MYO3B: variants seen among roughly 807,000 people sequenced by gnomAD.
MYO3B encodes myosin IIIB.
Under a neutral mutation model 174.6 loss-of-function variants are expected in MYO3B, and 156 were observed. The observed-to-expected ratio is 0.89, with a 90% CI of 0.78 to 1.02. The LOEUF (loss-of-function observed/expected upper bound fraction) is 1.02, where lower values mean the gene tolerates loss of function less well. MYO3B is among the 50% of genes least tolerant of loss of function. The pLI, the probability that MYO3B is intolerant of heterozygous loss-of-function variation, is 0.00. For missense variants in MYO3B, 1,632 were observed against 1,639.4 expected, an observed-to-expected ratio of 1.00 and a Z score of 0.08; for synonymous variants, 563 against 569.1, an observed-to-expected ratio of 0.99 and a Z score of 0.15.
At chr2:170,382,589 GTC>G (rs1412500084) in intron 10 of MYO3B, 1 of 169,530 alleles carries the variant, frequency 5.9e-6, no homozygotes, top group Non-Finnish European at 1.3e-5. Context: ...TTTATGCTGA[GTC>G]TAACTCTGGG....
chr2:170,532,062 A>C (rs1317194316), intron 30 of MYO3B, among the ~76,000 whole-genome samples: 1 of 152,226 alleles, frequency 6.6e-6, no homozygotes, highest in Non-Finnish European at 1.5e-5. Context: ...CCTTAACCCA[A>C]GTGATGAAAG....
At chr2:170,335,045 G>A (rs1442024458) in intron 7 of MYO3B, among the ~76,000 whole-genome samples, 1 of 152,154 alleles carries the variant, frequency 6.6e-6, no homozygotes, top group Admixed American at 6.5e-5. Flanking sequence ...TATGTTTAGA[G>A]CTTTCTTATA....
chr2:170,221,510 A>G (rs913434186), intron 6 of MYO3B, among the ~76,000 whole-genome samples: 2 of 152,200 alleles, frequency 1.3e-5, no homozygotes, highest in Non-Finnish European at 2.9e-5. Context: ...TCAAAGCTGC[A>G]GCATGAAATG....
At chr2:170,586,816 T>G (rs1034859668) in intron 32 of MYO3B, among the ~76,000 whole-genome samples, 1 of 152,250 alleles carries the variant, frequency 6.6e-6, no homozygotes, top group Non-Finnish European at 1.5e-5. Context: ...TTGAACTAAT[T>G]CTAAAATTTT....
At position 170,487,726 on chromosome 2, in the gene MYO3B, G is replaced by A. The variant is rs561975597; in HGVS notation, c.3015-10866G>A. On this transcript the variant is annotated intron_variant, in intron 25 of 34. Transcript: ENST00000408978. The stretch of plus-strand genomic sequence containing the variant: ...CCTTTGAGTGCAAAACTCAATTGGA[G>A]GGATGAATCAAAGCAGAGCTCATTC... 2.0e-5 allele frequency among the ~76,000 whole-genome samples: 3 copies of A among 152,308 alleles called. No individual in the cohort carries two copies. The East Asian group carries it at 5.8e-4, about 29-fold the overall frequency.
chr2:170,267,998 A>G lies in MYO3B; in HGVS notation c.749+31862A>G, dbSNP rs187423314. Among the ~76,000 whole-genome samples, 432 of 152,268 alleles carry G rather than the reference A, an allele frequency of 2.8e-3. 1 individual carries two copies. The highest frequency in any genetic ancestry group is 5.0e-3 in the Non-Finnish European group (342 of 68,012). ...CGAGGCGGGTGGATTACCTGAGGTC[A>G]GGAGTTCGAGACCAGCCTGGCGAAC... On this transcript the variant is annotated intron_variant, in intron 7 of 34. Coordinates refer to ENST00000408978, the MANE Select transcript of MYO3B (RefSeq NM_138995.5).
rs1401250451 is a variant in MYO3B, at chr2:170,387,136, C to G, written c.1405C>G (p.Leu469Val). 6.2e-7 allele frequency: 1 copy of G among 1,614,032 alleles called. No individual in the cohort carries two copies. The highest frequency in any genetic ancestry group is 8.5e-7 in the Non-Finnish European group (1 of 1,179,914). The change falls in exon 14 of 35, where the codon CTA becomes GTA. Residue 469 changes from leucine (L) to valine (V), a missense_variant. Leu to Val is a conservative substitution (Grantham distance 32). Coordinates refer to ENST00000408978, the MANE Select transcript of MYO3B (RefSeq NM_138995.5). ...ANNQTLREKILQVNSLVEAFG... is the reference protein window; with the variant it reads ...ANNQTLREKIVQVNSLVEAFG... ...TAATCAGACCTTGAGAGAGAAAATT[C>G]TACAAGTCAACTCCCTGGTGGAAGC... is the stretch of plus-strand genomic sequence containing the variant.
At chr2:170,308,308 C>A (rs1357213689) in intron 7 of MYO3B, among the ~76,000 whole-genome samples, 1 of 152,158 alleles carries the variant, frequency 6.6e-6, no homozygotes, top group Non-Finnish European at 1.5e-5. Context: ...CATACAGAAG[C>A]CCGAAAGCAA....
chr2:170,198,435 T>C (rs1574562968), intron 1 of MYO3B, among the ~76,000 whole-genome samples: 1 of 152,210 alleles, frequency 6.6e-6, no homozygotes, highest in East Asian at 1.9e-4. Context: ...AGTTTCTGCA[T>C]GTTGATATTC....
At chr2:170,648,150 A>G (rs1258825918) in intron 32 of MYO3B, 2 of 152,238 alleles carry the variant, frequency 1.3e-5, no homozygotes, top group Non-Finnish European at 2.9e-5. Context: ...TCACAAAGCA[A>G]ACAAGGAGGA....
intron 32 of MYO3B, among the ~76,000 whole-genome samples, chr2:170,571,863 T>C (rs1692458312): frequency 6.6e-6 from 1 of 152,182 alleles, no homozygotes; most frequent in Non-Finnish European, 1.5e-5. Flanking sequence ...TGATGCCTTT[T>C]CAACAACTTT....
intron 32 of MYO3B, among the ~76,000 whole-genome samples, chr2:170,551,818 G>A (rs1306578720): frequency 6.6e-6 from 1 of 152,120 alleles, no homozygotes; most frequent in African/African-American, 2.4e-5. Context: ...CCTGGTGGGA[G>A]GTGATTGGAT....
At chr2:170,472,525 A>ATACCCTCC (rs1685033576) in intron 25 of MYO3B, among the ~76,000 whole-genome samples, 2 of 152,196 alleles carry the variant, frequency 1.3e-5, no homozygotes, top group East Asian at 3.9e-4. Flanking sequence ...CTTTTCTGTG[A>ATACCCTCC]TACCCTCCTT....
chr2:170,340,280 G>A (rs988451747), intron 8 of MYO3B: 5 of 152,056 alleles, frequency 3.3e-5, no homozygotes, highest in Non-Finnish European at 7.4e-5. Context: ...TCCTTGAGCC[G>A]ATTATTGAGA....
chr2:170,253,533 C>A (rs1389599479), intron 7 of MYO3B, among the ~76,000 whole-genome samples: 1 of 152,034 alleles, frequency 6.6e-6, no homozygotes, highest in Non-Finnish European at 1.5e-5. Flanking sequence ...GACACCTAGA[C>A]TGGAGACATA....
intron 22 of MYO3B, among the ~76,000 whole-genome samples, chr2:170,426,244 C>T (rs985468446): frequency 2.0e-5 from 3 of 151,354 alleles, no homozygotes; most frequent in Non-Finnish European, 4.4e-5. Flanking sequence ...GAGGCTGAGG[C>T]GAGAGGATTG....
At position 170,472,862 on chromosome 2, in the gene MYO3B, G is replaced by A. The variant is rs183656911; in HGVS notation, c.3014+6151G>A. On this transcript the variant is annotated intron_variant, in intron 25 of 34. Transcript: ENST00000408978. ...GCCACAGGCGTGCACCACCATGCCT[G>A]GCTTATTTTTGTATTTTTAGTAGCG... Among the ~76,000 whole-genome samples the A allele has an allele frequency of 1.2e-3, 182 of 151,420 alleles. 1 individual carries two copies. Among genetic ancestry groups the A allele is most frequent in the African/African-American group, 4.0e-3 (165 of 41,332 alleles).
At chr2:170,204,057 G>C (rs755000592) in intron 3 of MYO3B, among the ~76,000 whole-genome samples, 7 of 152,176 alleles carry the variant, frequency 4.6e-5, no homozygotes, top group Non-Finnish European at 8.8e-5. Context: ...CCCTCTCATT[G>C]TATGAGCATC....
chr2:170,210,397 A>G (rs1430958339), intron 3 of MYO3B, among the ~76,000 whole-genome samples: 3 of 152,342 alleles, frequency 2.0e-5, no homozygotes, highest in Admixed American at 6.5e-5. Flanking sequence ...CTAAAAACAC[A>G]TCTTACTGTT....
Sources: allele counts gnomAD v4.1 joint callset (sites outside exome capture counted in the v4.1 genomes callset), GRCh38; gene constraint gnomAD v4.1.1; transcripts MANE v1.5; gene names NCBI Gene and HGNC (gene_info 2026-07-23, HGNC 2026-07-21).